Variants in TBX3 observed in about 807,000 individuals in gnomAD.
The protein encoded by TBX3 is T-box transcription factor TBX3.
TBX3 carries 11 observed loss-of-function variants against 47.8 expected under a neutral mutation model. The ratio of observed to expected loss-of-function variants is 0.23; its 90% CI spans 0.14 to 0.38. TBX3 has a LOEUF of 0.38. Among genes scored for constraint, TBX3 ranks in the 10% least tolerant of loss-of-function variants. TBX3 has a pLI of 1.00. For synonymous variants in TBX3, 500 were observed against 449.3 expected (o/e 1.11, Z -1.43); for missense variants, 927 against 1,022.8 (o/e 0.91, Z 1.28).
chr12:114,675,787 C>T (rs1384507896), intron 5 of TBX3, among the ~76,000 whole-genome samples: 36 of 151,442 alleles, frequency 2.4e-4, no homozygotes, highest in Admixed American at 2.0e-3. Context: ...CCGCAGATCC[C>T]CAGTGCTCCA....
Position 114,683,365 on chromosome 12 carries a change from C to T in TBX3, c.-165G>A. 1 of 911,034 alleles carries T rather than the reference C, an allele frequency of 1.1e-6. No homozygotes were observed. Among genetic ancestry groups the T allele is most frequent in the South Asian group, 1.8e-5 (1 of 56,434 alleles). 56.4% of individuals were successfully genotyped at this position (911,034 alleles called of 1,614,324 possible). A position where few individuals can be genotyped will look rare whatever the true frequency, so the allele number is the denominator to read the frequency against. Reference sequence around the variant, plus strand: ...AAGGAGGCAGAAATCACAACTAATGCACTTCAAAGGGAGGAGGGGAAGTGT... The same window carrying T: ...AAGGAGGCAGAAATCACAACTAATGTACTTCAAAGGGAGGAGGGGAAGTGT... On this transcript the variant is annotated 5_prime_UTR_variant, in exon 1 of 7. Transcript: ENST00000349155. This position sits in a 1 kb window ranked among gnomAD's most constrained non-coding sequence, Gnocchi z 7.7.
At chr12:114,675,631 AGAGTGTGTGTGT>A (rs1453914130) in intron 5 of TBX3, among the ~76,000 whole-genome samples, 2 of 104,442 alleles carry the variant, frequency 1.9e-5, no homozygotes, top group South Asian at 4.2e-4. Flanking sequence ...CTTCCCGTTG[AGAGTGTGTGTGT>A]GTGTGTGTGT....
At position 114,683,654 on chromosome 12, in the gene TBX3, G is replaced by T; in HGVS notation, c.-454C>A. 4.3e-6 allele frequency: 1 copy of T among 233,004 alleles called. No homozygotes were observed. The highest frequency in any genetic ancestry group is 8.4e-6 in the Non-Finnish European group (1 of 118,706). 14.4% of individuals were successfully genotyped at this position (233,004 alleles called of 1,614,324 possible). Reference sequence around the variant, plus strand: ...GCAAATGTGAAAGGTTCTCCTAGAAGACTTTTTACCTTTCTTTTTCTTCTT... The same window carrying T: ...GCAAATGTGAAAGGTTCTCCTAGAATACTTTTTACCTTTCTTTTTCTTCTT... On this transcript the variant is annotated 5_prime_UTR_variant, in exon 1 of 7. Transcript: ENST00000349155. The surrounding 1 kb of genome is among the most constrained non-coding windows in gnomAD (Gnocchi z 7.7).
rs780391500 is a variant in TBX3, at chr12:114,672,062, C to T, written c.1951G>A (p.Asp651Asn). ...PSMAAAAGPL[D>N]GKVAALAASP... ...GCGGCCAGGGCGGCGACTTTGCCGT[C>T]CAGGGGCCCCGCGGCCGCCGCCATG... The change falls in exon 7 of 7, where the codon GAC becomes AAC. Residue 651 changes from aspartate to asparagine, a missense_variant. Physicochemically the swap from Asp to Asn is conservative, Grantham distance 23. Around this residue, in one of 5 missense-constraint regions of TBX3, gnomAD observed 623 missense variants for 569.0 expected, o/e 1.09. Transcript: ENST00000349155. 2 of 1,570,498 alleles carry T rather than the reference C, an allele frequency of 1.3e-6. No homozygotes were observed. The highest frequency in any genetic ancestry group is 2.3e-5 in the South Asian group (2 of 85,834).
At chr12:114,682,606 C>A (rs1331274085) in intron 1 of TBX3, among the ~76,000 whole-genome samples, 2 of 151,918 alleles carry the variant, frequency 1.3e-5, no homozygotes, top group Admixed American at 1.3e-4. Flanking sequence ...AGGATGCAGA[C>A]CAAATGCAAG....
In TBX3 at chr12:114,683,105, C is replaced by T. The variant is rs140774817; in HGVS notation, c.96G>A (p.Ala32=). 6.2e-7 allele frequency: 1 copy of T among 1,612,418 alleles called. No homozygotes were observed. ...PHRAPDFAMS[A]VLGHQPPFFP... is the part of the protein sequence containing the mutation. ...AGAACGGCGGCTGGTGACCCAGCAC[C>T]GCGCTCATGGCGAAGTCCGGCGCCC... Residue 32 remains alanine (A), a synonymous_variant, in exon 1 of 7, where the codon GCG becomes GCA. Transcript: ENST00000349155. The surrounding 1 kb of genome is among the most constrained non-coding windows in gnomAD (Gnocchi z 7.7).
rs774983428 is a variant in TBX3, at chr12:114,672,325, C to A, written c.1711-23G>T. ...GCCCTGGGGTGAGAAAAGAGACACACAGCGAGTCAGCCGGGTGGGAGGAGC... is the reference window on the plus strand; with the variant it reads ...GCCCTGGGGTGAGAAAAGAGACACAAAGCGAGTCAGCCGGGTGGGAGGAGC... On this transcript the variant is annotated intron_variant, in intron 6 of 6. Transcript: ENST00000349155. The A allele has an allele frequency of 1.3e-5, 20 of 1,510,180 alleles. No homozygotes were observed. The Admixed American group carries it at 4.7e-4, about 36-fold the overall frequency. The allele number at this position is 1,510,180 out of a possible 1,614,324, so 93.5% of individuals were successfully genotyped here.
intron 6 of TBX3, 53 bp from the exon 7 acceptor site, chr12:114,672,355 C>T (rs888453042): frequency 1.4e-6 from 2 of 1,407,718 alleles, no homozygotes; most frequent in African/African-American, 1.5e-5. Flanking sequence ...AGGAGCTTAT[C>T]TCATCCCTCT....
At chr12:114,679,463 G>T (rs536404777) in intron 3 of TBX3, 42 bp downstream of exon 3, 19 of 1,613,822 alleles carry the variant, frequency 1.2e-5, no homozygotes, top group African/African-American at 1.1e-4. Context: ...TTAAGGGGAA[G>T]GCAAAATATC....
intron 1 of TBX3, among the ~76,000 whole-genome samples, chr12:114,682,305 C>T (rs533184966): frequency 1.3e-5 from 2 of 152,118 alleles, no homozygotes; most frequent in African/African-American, 4.8e-5. Flanking sequence ...TTCTCTCTGA[C>T]CAGGGCAGCA....
In TBX3 at chr12:114,684,086, G is replaced by GAGAA. The variant is rs1231837008; in HGVS notation, c.-887_-886insTTCT. 1 of 231,748 alleles carries GAGAA rather than the reference G, an allele frequency of 4.3e-6. No individual in the cohort carries two copies. Among genetic ancestry groups the GAGAA allele is most frequent in the Non-Finnish European group, 8.5e-6 (1 of 117,384 alleles). 14.4% of individuals were successfully genotyped at this position (231,748 alleles called of 1,614,324 possible). On this transcript the variant is annotated 5_prime_UTR_variant, in exon 1 of 7. Coordinates refer to ENST00000349155, the MANE Select transcript of TBX3 (RefSeq NM_005996.4). ...GAGAGGGAGGGGAGAGAGAGAGAGA[G>GAGAA]AGAGAGAGACGGAGTCGGAGAGGGA...
chr12:114,674,893 A>C, intron 5 of TBX3, 58 bp from the exon 6 acceptor site: 1 of 1,535,954 alleles, frequency 6.5e-7, no homozygotes, highest in Non-Finnish European at 8.7e-7. Flanking sequence ...GTATGAGCCA[A>C]CGGAACTCCA....
At position 114,683,184 on chromosome 12, in the gene TBX3, C is replaced by G; in HGVS notation, c.17G>C (p.Arg6Thr). MSLSM[R>T]DPVIPGTSMA... Reference sequence around the variant, plus strand: ...GCTTGTCCCAGGAATGACCGGATCTCTCATGGAGAGGCTCATCCACTCCAG... The same window carrying G: ...GCTTGTCCCAGGAATGACCGGATCTGTCATGGAGAGGCTCATCCACTCCAG... Residue 6 changes from arginine to threonine, a missense_variant, in exon 1 of 7, where the codon AGA becomes ACA. Physicochemically the swap from Arg to Thr is moderately conservative, Grantham distance 71. Around this residue, in one of 5 missense-constraint regions of TBX3, gnomAD observed 216 missense variants for 281.2 expected, o/e 0.77. Transcript: ENST00000349155. This position sits in a 1 kb window ranked among gnomAD's most constrained non-coding sequence, Gnocchi z 7.7. The G allele has an allele frequency of 6.2e-7, 1 of 1,611,626 alleles. No homozygotes were observed. The highest frequency in any genetic ancestry group is 8.5e-7 in the Non-Finnish European group (1 of 1,179,088).
In TBX3 at chr12:114,672,006, G is replaced by A. The variant is rs1448499931; in HGVS notation, c.2007C>T (p.Gly669=). ...ASPASVAVDS[G]SELNSRSSTL... ...TGGAGGAGCGGCTGTTGAGTTCAGA[G>A]CCCGAGTCCACTGCCACCGAGGCCG... is the stretch of plus-strand genomic sequence containing the variant. The change falls in exon 7 of 7, where the codon GGC becomes GGT. Residue 669 remains glycine, a synonymous_variant. Transcript: ENST00000349155. 1.3e-6 allele frequency: 2 copies of A among 1,598,212 alleles called. No homozygotes were observed. The highest frequency in any genetic ancestry group is 1.7e-6 in the Non-Finnish European group (2 of 1,172,760).
In TBX3 at chr12:114,674,273, C is replaced by T; in HGVS notation, c.1602G>A (p.Ser534=). The T allele has an allele frequency of 6.3e-7, 1 of 1,581,044 alleles. No homozygotes were observed. Among genetic ancestry groups the T allele is most frequent in the Non-Finnish European group, 8.6e-7 (1 of 1,163,914 alleles). ...ATVSGASTGV[S]GLDSTAMASA... The stretch of plus-strand genomic sequence containing the variant: ...AGGCCATGGCCGTGGAATCCAGGCC[C>T]GAGACACCGGTGGAGGCCCCAGAAA... The change falls in exon 6 of 7, where the codon TCG becomes TCA. Residue 534 remains serine, a synonymous_variant. Transcript: ENST00000349155.
chr12:114,681,201 G>T, intron 1 of TBX3, 55 bp from the exon 2 acceptor site: 1 of 1,605,522 alleles, frequency 6.2e-7, no homozygotes, highest in Non-Finnish European at 8.5e-7. Context: ...CGTAATCTTG[G>T]GTTTGATTTC....
rs751905018 is a variant in TBX3, at chr12:114,671,845, G to C, written c.2168C>G (p.Pro723Arg). The C allele has an allele frequency of 6.4e-7, 1 of 1,555,632 alleles. No homozygotes were observed. The change falls in exon 7 of 7, where the codon CCG becomes CGG. Residue 723 changes from proline to arginine, a missense_variant. This residue lies in a region of TBX3 where 623 missense variants were observed against 569.0 expected (regional missense o/e 1.09). Transcript: ENST00000349155. Reference sequence around the variant, plus strand: ...AAAGACGTGTCTGGGACGGGTCTACGGGGACGCGCTGCGGGACCTGTCCGG... The same window carrying C: ...AAAGACGTGTCTGGGACGGGTCTACCGGGACGCGCTGCGGGACCTGTCCGG... ...AKPDRSRSAS[P>R]
chr12:114,679,422 G>T, intron 3 of TBX3, 83 bp downstream of exon 3: 1 of 1,586,430 alleles, frequency 6.3e-7, no homozygotes, highest in Non-Finnish European at 8.7e-7. Context: ...CCACTCTCTT[G>T]TAACTTTCTC....
intron 3 of TBX3, 23 bp downstream of exon 3, chr12:114,679,482 A>G: frequency 1.2e-6 from 2 of 1,614,164 alleles, no homozygotes; most frequent in South Asian, 2.2e-5. Flanking sequence ...TCACCATTAA[A>G]AAGGAAAGCC....
Sources: gnomAD v4.1 joint callset for allele counts (sites outside exome capture counted in the v4.1 genomes callset) on GRCh38, gnomAD v4.1.1 for gene constraint, gnomAD v4.1.1 regional missense constraint, Gnocchi (gnomAD v3.1) non-coding constraint, MANE v1.5 for transcripts, NCBI Gene and HGNC (gene_info 2026-07-23, HGNC 2026-07-21) for gene names.